Variants in GUCY1A1 observed in about 807,000 individuals in gnomAD.
GUCY1A1 encodes guanylate cyclase 1 soluble subunit alpha 1.
In GUCY1A1, 48 loss-of-function variants were observed where a neutral mutation model predicts 64.5. That is an observed-to-expected ratio of 0.74 (90% CI 0.59 to 0.95). The LOEUF (loss-of-function observed/expected upper bound fraction) is 0.95, where lower values mean the gene tolerates loss of function less well. Ranked by LOEUF, GUCY1A1 falls within the 40% of genes least tolerant of loss-of-function variation. GUCY1A1 has a pLI of 0.00. For missense variants in GUCY1A1, 804 were observed against 825.3 expected (o/e 0.97, Z 0.32); for synonymous variants, 308 against 303.4 (o/e 1.02, Z -0.16).
chr4:155,708,025 G>C (rs1732030209), intron 4 of GUCY1A1, among the ~76,000 whole-genome samples: 1 of 152,080 alleles, frequency 6.6e-6, no homozygotes, highest in Admixed American at 6.5e-5. Flanking sequence ...TTTTAGCAGA[G>C]ATGGGGTTTC....
Position 155,710,783 on chromosome 4 carries a change from C to G in GUCY1A1, c.618C>G (p.Phe206Leu). The G allele has an allele frequency of 2.5e-6, 4 of 1,613,964 alleles. No individual in the cohort carries two copies. Among genetic ancestry groups the G allele is most frequent in the Non-Finnish European group, 3.4e-6 (4 of 1,179,870 alleles). Residue 206 changes from phenylalanine (F) to leucine (L), a missense_variant, in exon 6 of 10, where the codon TTC (phenylalanine) becomes TTG (leucine). By Grantham distance (22) the Phe-to-Leu change is conservative. Coordinates refer to ENST00000506455, the MANE Select transcript of GUCY1A1 (RefSeq NM_001130682.3). ...EDDFLHVYYF[F>L]PKRTTSLILP... ...ATTTTCTACATGTTTACTACTTCTT[C>G]CCTAAGAGAACCACCTCCCTGATTC...
intron 2 of GUCY1A1, among the ~76,000 whole-genome samples, chr4:155,689,733 T>C (rs998928847): frequency 6.6e-6 from 1 of 152,208 alleles, no homozygotes; most frequent in Non-Finnish European, 1.5e-5. Flanking sequence ...TGCAGCTTAT[T>C]AAACACAATT....
intron 3 of GUCY1A1, among the ~76,000 whole-genome samples, chr4:155,701,649 C>G (rs1731096186): frequency 6.6e-6 from 1 of 151,818 alleles, no homozygotes; most frequent in African/African-American, 2.4e-5. Context: ...ACAAAATGTT[C>G]CTGGTCAGGG....
At position 155,711,227 on chromosome 4, in the gene GUCY1A1, C is replaced by A; in HGVS notation, c.1062C>A (p.Asp354Glu). Residue 354 changes from aspartate to glutamate, a missense_variant, in exon 6 of 10, where the codon GAC becomes GAA. Physicochemically the swap from Asp to Glu is conservative, Grantham distance 45. Coordinates refer to ENST00000506455, the MANE Select transcript of GUCY1A1 (RefSeq NM_001130682.3). ...MQFVVRVRRWDNSVKKSSRVM... is the reference protein window; with the variant it reads ...MQFVVRVRRWENSVKKSSRVM... The stretch of plus-strand genomic sequence containing the variant: ...TTGTTGTACGAGTGAGGAGATGGGA[C>A]AACTCTGTGAAAAAATCTTCAAGGG... 6.3e-7 allele frequency: 1 copy of A among 1,585,984 alleles called. No individual in the cohort carries two copies. The highest frequency in any genetic ancestry group is 1.3e-5 in the African/African-American group (1 of 74,536).
chr4:155,676,287 C>A (rs1261378854), intron 2 of GUCY1A1, among the ~76,000 whole-genome samples: 1 of 136,180 alleles, frequency 7.3e-6, no homozygotes, highest in Non-Finnish European at 1.5e-5. Flanking sequence ...AAAGAATGTC[C>A]TAAGAAGAGC....
chr4:155,690,928 G>T (rs1333270370), intron 2 of GUCY1A1, among the ~76,000 whole-genome samples: 1 of 152,146 alleles, frequency 6.6e-6, no homozygotes, highest in African/African-American at 2.4e-5. Flanking sequence ...TGAATAGGAA[G>T]AAAAATGAAC....
intron 2 of GUCY1A1, among the ~76,000 whole-genome samples, chr4:155,696,443 T>C (rs1239963939): frequency 6.6e-6 from 1 of 152,206 alleles, no homozygotes. Context: ...GTTCCACTCT[T>C]GTGAAATCAA....
In GUCY1A1 at chr4:155,722,179, CCAA is replaced by C; in HGVS notation, c.1863_1865del (p.Thr622del). On this transcript the variant is annotated inframe_deletion, in exon 9 of 10. Transcript: ENST00000506455. ...TGTACCACGAAAAATCAATGTCAGC[CCAA>C]CAACTTACAGGTAGTAATTATGTTA... 1 of 1,612,222 alleles carries C rather than the reference CCAA, an allele frequency of 6.2e-7. No individual in the cohort carries two copies. Among genetic ancestry groups the C allele is most frequent in the Non-Finnish European group, 8.5e-7 (1 of 1,178,770 alleles).
Position 155,730,418 on chromosome 4 carries a change from A to AT in GUCY1A1, c.*187_*188insT. 6 of 369,486 alleles carry AT rather than the reference A, an allele frequency of 1.6e-5. No homozygotes were observed. Among genetic ancestry groups the AT allele is most frequent in the Non-Finnish European group, 1.9e-5 (4 of 215,624 alleles). 22.9% of individuals were successfully genotyped at this position (369,486 alleles called of 1,614,324 possible). ...CTCACTTCAGTACTTCAGCTCTTCA[A>AT]GAAAAAAAAAAAAAACCTTAAAAAG... is the stretch of plus-strand genomic sequence containing the variant. On this transcript the variant is annotated 3_prime_UTR_variant, in exon 10 of 10. Transcript: ENST00000506455.
At chr4:155,667,485 C>G (rs935870152) in intron 2 of GUCY1A1, 66 bp downstream of exon 2, 1 of 152,280 alleles carries the variant, frequency 6.6e-6, no homozygotes, top group African/African-American at 2.4e-5. Context: ...CTTCCGGGAC[C>G]CCCGCTTGGG....
At chr4:155,693,099 A>G (rs1369133606) in intron 2 of GUCY1A1, among the ~76,000 whole-genome samples, 1 of 152,116 alleles carries the variant, frequency 6.6e-6, no homozygotes, top group African/African-American at 2.4e-5. Flanking sequence ...TAAATTTTAA[A>G]TTCTAGAGTT....
rs527732240 is a variant in GUCY1A1, at chr4:155,732,018, A to C, written c.*1787A>C. 1 of 151,510 alleles carries C rather than the reference A, an allele frequency of 6.6e-6. No individual in the cohort carries two copies. Among genetic ancestry groups the C allele is most frequent in the Admixed American group, 6.6e-5 (1 of 15,168 alleles). The allele number at this position is 151,510 out of a possible 1,614,324, so 9.4% of individuals were successfully genotyped here. A position where few individuals can be genotyped will look rare whatever the true frequency, so the allele number is the denominator to read the frequency against. On this transcript the variant is annotated 3_prime_UTR_variant, in exon 10 of 10. Transcript: ENST00000506455. The stretch of plus-strand genomic sequence containing the variant: ...TAAGTCACTACTTACAAGGAAAAAA[A>C]ATGTAAATACATTTTTCTTTCTGGA...
rs1169544415 is a variant in GUCY1A1, at chr4:155,735,140, A to G, written c.*4909A>G. The G allele has an allele frequency of 6.6e-6, 1 of 152,006 alleles. No homozygotes were observed. Among genetic ancestry groups the G allele is most frequent in the East Asian group, 1.9e-4 (1 of 5,158 alleles). The allele number at this position is 152,006 out of a possible 1,614,324, so 9.4% of individuals were successfully genotyped here. On this transcript the variant is annotated 3_prime_UTR_variant, in exon 10 of 10. Transcript: ENST00000506455. ...TTGCCATCTGTACTTCCCTTGAAGC[A>G]GCTTTGCTTATTACAGCCACACCTG... is the stretch of plus-strand genomic sequence containing the variant.
chr4:155,733,040 G>A lies in GUCY1A1; in HGVS notation c.*2809G>A, dbSNP rs1735715814. On this transcript the variant is annotated 3_prime_UTR_variant, in exon 10 of 10. Coordinates refer to ENST00000506455, the MANE Select transcript of GUCY1A1 (RefSeq NM_001130682.3). ...TTCTATATCGATCTAGACTTTGTAGGAAAATGCAAAGCGTATATTTAAGAA... is the reference window on the plus strand; with the variant it reads ...TTCTATATCGATCTAGACTTTGTAGAAAAATGCAAAGCGTATATTTAAGAA... 6.6e-6 allele frequency among the ~76,000 whole-genome samples: 1 copy of A among 151,694 alleles called. No homozygotes were observed. Among genetic ancestry groups the A allele is most frequent in the Non-Finnish European group, 1.5e-5 (1 of 67,844 alleles).
intron 4 of GUCY1A1, among the ~76,000 whole-genome samples, chr4:155,706,977 A>G (rs1731868250): frequency 6.6e-6 from 1 of 152,262 alleles, no homozygotes. Flanking sequence ...CAGTAATTGC[A>G]TGAAGAATAG....
chr4:155,702,123 C>CTT (rs1430909258), intron 3 of GUCY1A1, among the ~76,000 whole-genome samples: 2 of 152,176 alleles, frequency 1.3e-5, no homozygotes, highest in East Asian at 3.9e-4. Flanking sequence ...ACACTCTCTG[C>CTT]CCTTTTGGAG....
intron 8 of GUCY1A1, among the ~76,000 whole-genome samples, chr4:155,718,790 T>A (rs1733591526): frequency 6.6e-6 from 1 of 152,304 alleles, no homozygotes; most frequent in South Asian, 2.1e-4. Context: ...ACACTTCCAC[T>A]GCACTCTATC....
At chr4:155,727,993 A>T (rs543545601) in intron 9 of GUCY1A1, among the ~76,000 whole-genome samples, 1 of 151,850 alleles carries the variant, frequency 6.6e-6, no homozygotes, top group Non-Finnish European at 1.5e-5. Context: ...TCCAGGAAGG[A>T]AAATGGGTAG....
In GUCY1A1 at chr4:155,696,982, A is replaced by G; in HGVS notation, c.115A>G (p.Ser39Gly). 1.9e-6 allele frequency: 3 copies of G among 1,613,770 alleles called. No homozygotes were observed. The highest frequency in any genetic ancestry group is 2.5e-6 in the Non-Finnish European group (3 of 1,179,688). Residue 39 changes from serine to glycine, a missense_variant, in exon 3 of 10, where the codon AGC becomes GGC. Ser to Gly is a moderately conservative substitution (Grantham distance 56). Transcript: ENST00000506455. ...SSEEAAGSSE[S>G]CKATVPICQD... ...AGAGGAGGCAGCAGGAAGCTCAGAG[A>G]GCTGCAAAGCAACCGTGCCCATCTG...
Sources: gnomAD v4.1 joint callset for allele counts (sites outside exome capture counted in the v4.1 genomes callset) on GRCh38, gnomAD v4.1.1 for gene constraint, MANE v1.5 for transcripts, NCBI Gene and HGNC (gene_info 2026-07-23, HGNC 2026-07-21) for gene names.